Variants in PTPRK observed in about 807,000 individuals in gnomAD.
PTPRK encodes the protein receptor-type tyrosine-protein phosphatase kappa.
A neutral mutation model predicts 178.0 loss-of-function variants in PTPRK; 75 were observed. The observed-to-expected ratio is 0.42, with a 90% confidence interval of 0.35 to 0.51. The LOEUF is 0.51. Among genes scored for constraint, PTPRK ranks in the 20% least tolerant of loss-of-function variants. PTPRK has a pLI of 0.02. For synonymous variants in PTPRK, 637 were observed against 620.6 expected, an observed-to-expected ratio of 1.03 and a Z score of -0.39; for missense variants, 1,441 against 1,797.8, an observed-to-expected ratio of 0.80 and a Z score of 3.59.
intron 7 of PTPRK, among the ~76,000 whole-genome samples, chr6:128,122,720 C>T (rs73586609): frequency 0.093 from 14,178 of 152,044 alleles, 1,147 homozygotes; most frequent in African/African-American, 0.21. Flanking sequence ...GAAGGATAAC[C>T]GCAGTATGAA....
chr6:128,122,119 AT>A (rs886334458), intron 7 of PTPRK, among the ~76,000 whole-genome samples: 40 of 152,250 alleles, frequency 2.6e-4, no homozygotes, highest in Middle Eastern at 3.4e-3. Flanking sequence ...ACATCTAGAT[AT>A]TTTTAATAGC....
chr6:128,312,558 T>G (rs552214057), intron 3 of PTPRK, among the ~76,000 whole-genome samples: 1 of 152,276 alleles, frequency 6.6e-6, no homozygotes, highest in South Asian at 2.1e-4. Context: ...AGGCTGCCAA[T>G]GTGGATGTTT....
At chr6:128,429,403 A>C (rs1253212661) in intron 1 of PTPRK, among the ~76,000 whole-genome samples, 1 of 152,216 alleles carries the variant, frequency 6.6e-6, no homozygotes, top group Admixed American at 6.5e-5. Context: ...CCAGGTGATA[A>C]GCCTATGACC....
intron 7 of PTPRK, among the ~76,000 whole-genome samples, chr6:128,143,937 C>T (rs1796121444): frequency 6.6e-6 from 1 of 152,184 alleles, no homozygotes; most frequent in African/African-American, 2.4e-5. Context: ...CAATTTTTGA[C>T]TACAAACCTG....
chr6:128,054,828 G>A (rs915592841), intron 13 of PTPRK, among the ~76,000 whole-genome samples: 3 of 152,162 alleles, frequency 2.0e-5, no homozygotes, highest in Admixed American at 2.0e-4. Flanking sequence ...AGAGAAGAAT[G>A]AACCACGGAC....
chr6:128,237,267 T>C (rs9388626), intron 5 of PTPRK, among the ~76,000 whole-genome samples: 17,035 of 152,164 alleles, frequency 0.11, 1,973 homozygotes, highest in East Asian at 0.35. Context: ...GGAGGACATA[T>C]AAAGTTGATT....
chr6:128,034,481 C>T (rs1365256385), intron 13 of PTPRK, among the ~76,000 whole-genome samples: 2 of 152,136 alleles, frequency 1.3e-5, no homozygotes, highest in Non-Finnish European at 2.9e-5. Context: ...ACATTTATAT[C>T]TTCATGCAGT....
intron 5 of PTPRK, among the ~76,000 whole-genome samples, chr6:128,221,384 C>T (rs988297357): frequency 3.3e-5 from 5 of 151,786 alleles, no homozygotes; most frequent in African/African-American, 9.7e-5. Flanking sequence ...ATTAGCCAGG[C>T]GCGGTGGCGG....
intron 3 of PTPRK, among the ~76,000 whole-genome samples, chr6:128,310,563 C>G (rs1047911995): frequency 6.6e-5 from 10 of 152,156 alleles, no homozygotes; most frequent in Non-Finnish European, 1.2e-4. Context: ...AACTGGGAAG[C>G]AAATGGCAAT....
At chr6:128,422,122 T>C (rs778495271) in intron 1 of PTPRK, among the ~76,000 whole-genome samples, 6 of 152,262 alleles carry the variant, frequency 3.9e-5, no homozygotes, top group Non-Finnish European at 7.3e-5. Flanking sequence ...TAATTTTTCA[T>C]GATGCATTAT....
chr6:128,508,999 A>G (rs1856785921), intron 1 of PTPRK, among the ~76,000 whole-genome samples: 1 of 152,128 alleles, frequency 6.6e-6, no homozygotes, highest in Non-Finnish European at 1.5e-5. Context: ...TTCATAAATA[A>G]ACAGCTTTTA....
chr6:128,267,439 A>G (rs1171946444), intron 3 of PTPRK, among the ~76,000 whole-genome samples: 1 of 152,134 alleles, frequency 6.6e-6, no homozygotes, highest in Non-Finnish European at 1.5e-5. Flanking sequence ...TAATAAAAAT[A>G]GAGAATAAAA....
At chr6:128,006,156 T>C (rs927384102) in intron 14 of PTPRK, 1 of 706,584 alleles carries the variant, frequency 1.4e-6, no homozygotes, top group Non-Finnish European at 2.2e-6. Context: ...CGTTAAAAAA[T>C]AAAATAAAAT....
At chr6:128,197,672 A>G (rs1468080702) in intron 6 of PTPRK, among the ~76,000 whole-genome samples, 3 of 152,092 alleles carry the variant, frequency 2.0e-5, no homozygotes, top group African/African-American at 4.8e-5. Context: ...CCCCTAGGTG[A>G]TATTCAAATT....
chr6:128,239,327 T>A (rs1483236059), intron 5 of PTPRK, among the ~76,000 whole-genome samples: 1 of 152,180 alleles, frequency 6.6e-6, no homozygotes, highest in Non-Finnish European at 1.5e-5. Context: ...TTCCTGGCTT[T>A]AGAGCTGCTC....
intron 6 of PTPRK, among the ~76,000 whole-genome samples, chr6:128,206,252 GAA>G (rs1806939549): frequency 6.6e-6 from 1 of 151,486 alleles, no homozygotes; most frequent in Non-Finnish European, 1.5e-5. Context: ...AAGGTAAAGA[GAA>G]AAAAGTCTGG....
At chr6:128,333,330 T>G (rs1475375778) in intron 2 of PTPRK, among the ~76,000 whole-genome samples, 1 of 152,188 alleles carries the variant, frequency 6.6e-6, no homozygotes, top group Admixed American at 6.5e-5. Context: ...ATCTATGATT[T>G]CTATGTAAAT....
intron 7 of PTPRK, among the ~76,000 whole-genome samples, chr6:128,159,266 A>C (rs1255820567): frequency 6.6e-6 from 1 of 151,902 alleles, no homozygotes; most frequent in Non-Finnish European, 1.5e-5. Flanking sequence ...TATTAGGTGT[A>C]ATTCCAAAAG....
At chr6:128,282,304 T>A (rs1054645201) in intron 3 of PTPRK, among the ~76,000 whole-genome samples, 5 of 152,194 alleles carry the variant, frequency 3.3e-5, no homozygotes, top group African/African-American at 1.2e-4. Context: ...AACATAAAAG[T>A]ACTAATTATA....
Sources: gnomAD v4.1 joint callset for allele counts (sites outside exome capture counted in the v4.1 genomes callset) on GRCh38, gnomAD v4.1.1 for gene constraint, MANE v1.5 for transcripts, NCBI Gene and HGNC (gene_info 2026-07-23, HGNC 2026-07-21) for gene names.